PRKCH: variants seen among roughly 807,000 people sequenced by gnomAD.
The protein encoded by PRKCH is protein kinase C eta.
Under a neutral mutation model 82.5 loss-of-function variants are expected in PRKCH, and 28 were observed. That is an observed-to-expected ratio of 0.34 (90% CI 0.25 to 0.47). The LOEUF (loss-of-function observed/expected upper bound fraction) is 0.47. Ranked by LOEUF, PRKCH falls within the 20% of genes least tolerant of loss-of-function variation. The pLI, the probability that PRKCH is intolerant of heterozygous loss-of-function variation, is 1.00. For synonymous variants in PRKCH, 322 were observed against 327.4 expected (o/e 0.98, Z 0.18); for missense variants, 705 against 881.8 (o/e 0.80, Z 2.54).
intron 10 of PRKCH, among the ~76,000 whole-genome samples, chr14:61,489,443 C>T (rs1476293021): frequency 6.6e-6 from 1 of 152,222 alleles, no homozygotes; most frequent in Non-Finnish European, 1.5e-5. Context: ...TGCAAGAGGA[C>T]ATGGGCCAGT....
At chr14:61,314,328 AT>A (rs1198956908) in intron 1 of PRKCH, among the ~76,000 whole-genome samples, 2 of 152,202 alleles carry the variant, frequency 1.3e-5, no homozygotes, top group Non-Finnish European at 2.9e-5. Context: ...CACTTAGATA[AT>A]ATAAAGGATT....
chr14:61,346,192 AT>A lies in PRKCH; in HGVS notation c.363+23737del, dbSNP rs200675346. Among the ~76,000 whole-genome samples the A allele has an allele frequency of 3.3e-5, 5 of 151,368 alleles. 1 individual carries two copies. The highest frequency in any genetic ancestry group is 2.1e-4 in the South Asian group (1 of 4,792). On this transcript the variant is annotated intron_variant, in intron 1 of 13. Coordinates refer to ENST00000332981, the MANE Select transcript of PRKCH (RefSeq NM_006255.5). ...AAGAAAGCTTGTCAGGGTGGCACCA[AT>A]TTTTTTTTAGCAATTTAATGAATGA...
intron 10 of PRKCH, 79 bp downstream of exon 10, chr14:61,485,735 T>A (rs1886190717): frequency 6.8e-7 from 1 of 1,480,780 alleles, no homozygotes; most frequent in East Asian, 2.3e-5. Flanking sequence ...CCACTTCTCA[T>A]GATAATCAGT....
chr14:61,525,442 C>A (rs901643079), intron 10 of PRKCH, among the ~76,000 whole-genome samples: 6 of 152,172 alleles, frequency 3.9e-5, no homozygotes, highest in Non-Finnish European at 7.3e-5. Flanking sequence ...GCCTTTGTGG[C>A]CTCGGGCATC....
chr14:61,322,647 C>A, intron 1 of PRKCH, 183 bp downstream of exon 1: 1 of 790,784 alleles, frequency 1.3e-6, no homozygotes, highest in Non-Finnish European at 1.9e-6. Context: ...TGTGCAGGCG[C>A]AGGTGTGTCT....
intron 1 of PRKCH, among the ~76,000 whole-genome samples, chr14:61,260,292 T>A (rs1235490484): frequency 6.6e-6 from 1 of 152,206 alleles, no homozygotes; most frequent in East Asian, 1.9e-4. Flanking sequence ...ACTACTCTCC[T>A]AAGAAACATT....
At chr14:61,492,324 T>C (rs1402667197) in intron 10 of PRKCH, 2 of 152,248 alleles carry the variant, frequency 1.3e-5, no homozygotes, top group Admixed American at 1.3e-4. Flanking sequence ...GAGTTCTCTG[T>C]GTCCAGGTCT....
At chr14:61,418,485 G>A (rs1044220528) in intron 2 of PRKCH, among the ~76,000 whole-genome samples, 22 of 152,216 alleles carry the variant, frequency 1.4e-4, no homozygotes, top group African/African-American at 4.8e-4. Context: ...AGATAAAGTG[G>A]ACTTAGAGAG....
chr14:61,529,052 G>C (rs199812892), intron 10 of PRKCH, 23 bp from the exon 11 acceptor site: 13 of 1,588,192 alleles, frequency 8.2e-6, no homozygotes, highest in Non-Finnish European at 1.1e-5. Context: ...GCCCTATCTC[G>C]TGCTGCTCTT....
At chr14:61,215,323 C>G (rs577201217) in intron 1 of PRKCH, among the ~76,000 whole-genome samples, 1 of 152,304 alleles carries the variant, frequency 6.6e-6, no homozygotes, top group Non-Finnish European at 1.5e-5. Context: ...AAGACTGAGG[C>G]TTCCCAAAGA....
At chr14:61,479,964 A>C (rs1175857437) in intron 9 of PRKCH, among the ~76,000 whole-genome samples, 2 of 152,210 alleles carry the variant, frequency 1.3e-5, no homozygotes, top group Non-Finnish European at 2.9e-5. Flanking sequence ...GGTTGGCTGA[A>C]TCAGGGACAA....
At chr14:61,306,277 A>C (rs1314861070) in intron 1 of PRKCH, 1 of 152,274 alleles carries the variant, frequency 6.6e-6, no homozygotes, top group Non-Finnish European at 1.5e-5. Context: ...ATTCTCTGCT[A>C]GGCCTCATTA....
chr14:61,416,205 A>C (rs958930593), intron 2 of PRKCH, among the ~76,000 whole-genome samples: 1 of 151,512 alleles, frequency 6.6e-6, no homozygotes, highest in Non-Finnish European at 1.5e-5. Context: ...ACAGGTGTGC[A>C]CCACCAAGCC....
In PRKCH at chr14:61,519,633, C is replaced by T. The variant is rs185455912; in HGVS notation, c.1434-9442C>T. ...ATGATGAATGTTCACATCTTGTATA[C>T]GTGGTCTTCAGCAAGATATTCCAAT... On this transcript the variant is annotated intron_variant, in intron 10 of 13. Transcript: ENST00000332981. Among the ~76,000 whole-genome samples the T allele has an allele frequency of 9.9e-5, 15 of 151,586 alleles. No homozygotes were observed. The East Asian group carries it at 1.6e-3, about 17-fold the overall frequency.
At chr14:61,376,827 C>G (rs2046433671) in intron 1 of PRKCH, among the ~76,000 whole-genome samples, 1 of 152,200 alleles carries the variant, frequency 6.6e-6, no homozygotes, top group Non-Finnish European at 1.5e-5. Context: ...CTAGCTTTAC[C>G]TTCTAATTTC....
At chr14:61,462,605 A>G (rs2140301581) in intron 9 of PRKCH, among the ~76,000 whole-genome samples, 1 of 152,350 alleles carries the variant, frequency 6.6e-6, no homozygotes, top group East Asian at 1.9e-4. Flanking sequence ...AACTAACTAT[A>G]AAGAACAGAA....
intron 2 of PRKCH, among the ~76,000 whole-genome samples, chr14:61,394,845 T>C (rs1484724614): frequency 6.6e-6 from 1 of 152,234 alleles, no homozygotes; most frequent in East Asian, 1.9e-4. Context: ...CCATCTTTGC[T>C]TTAAGCTAGT....
intron 9 of PRKCH, among the ~76,000 whole-genome samples, chr14:61,483,016 G>A (rs937693744): frequency 6.6e-6 from 1 of 152,230 alleles, no homozygotes; most frequent in South Asian, 2.1e-4. Flanking sequence ...TGGAATTCAT[G>A]TGACTGCCAG....
Position 61,378,246 on chromosome 14 carries a change from A to G in PRKCH, c.364-12979A>G, listed in dbSNP as rs573303702. Among the ~76,000 whole-genome samples the G allele has an allele frequency of 2.9e-5, 4 of 138,356 alleles. No individual in the cohort carries two copies. In the South Asian group the frequency reaches 8.7e-4, roughly 30 times the overall value. The allele number at this position is 138,356 out of a possible 152,430, so 90.8% of individuals were successfully genotyped here. ...TTTCTTTTTTTTTTTTTGAGACAGC[A>G]TCTCTCTCTGTCACTTAGGCTGGAA... is the stretch of plus-strand genomic sequence containing the variant. On this transcript the variant is annotated intron_variant, in intron 1 of 13. Transcript: ENST00000332981.
Sources: gnomAD v4.1 joint callset for allele counts (sites outside exome capture counted in the v4.1 genomes callset) on GRCh38, gnomAD v4.1.1 for gene constraint, MANE v1.5 for transcripts, NCBI Gene and HGNC (gene_info 2026-07-23, HGNC 2026-07-21) for gene names.